SGIP1: variants seen among roughly 807,000 people sequenced by gnomAD.
SGIP1 encodes SH3-containing GRB2-like protein 3-interacting protein 1.
Under a neutral mutation model 107.5 loss-of-function variants are expected in SGIP1, and 38 were observed. The observed-to-expected ratio is 0.35, with a 90% CI of 0.27 to 0.46. The LOEUF is 0.46. Among genes scored for constraint, SGIP1 ranks in the 20% least tolerant of loss-of-function variants. SGIP1 has a pLI of 1.00. For missense variants in SGIP1, 929 were observed against 1,019.5 expected, an observed-to-expected ratio of 0.91 and a Z score of 1.21; for synonymous variants, 365 against 366.1, an observed-to-expected ratio of 1.00 and a Z score of 0.03.
chr1:66,634,192 G>C, intron 3 of SGIP1: 1 of 1,586,544 alleles, frequency 6.3e-7, no homozygotes, highest in Non-Finnish European at 8.6e-7. Flanking sequence ...TCTCTTCTTT[G>C]CTTCCGGCTT....
chr1:66,723,791 A>G (rs1445533769), intron 19 of SGIP1, among the ~76,000 whole-genome samples: 1 of 152,184 alleles, frequency 6.6e-6, no homozygotes, highest in East Asian at 1.9e-4. Flanking sequence ...TACATTATGC[A>G]CCGTTGCCTT....
chr1:66,649,059 G>T (rs1190969041), intron 7 of SGIP1, among the ~76,000 whole-genome samples: 2 of 151,860 alleles, frequency 1.3e-5, no homozygotes, highest in Non-Finnish European at 2.9e-5. Context: ...CTTTTTTGAG[G>T]GTCATGCTCT....
At chr1:66,637,463 G>A (rs1210095735) in intron 4 of SGIP1, among the ~76,000 whole-genome samples, 6 of 115,976 alleles carry the variant, frequency 5.2e-5, no homozygotes, top group Non-Finnish European at 9.7e-5. Context: ...GTTTGTGTGT[G>A]TGTGTGTGTG....
Position 66,749,540 on chromosome 1 carries a change from T to A in SGIP1, c.*6445T>A, listed in dbSNP as rs189200005. Among the ~76,000 whole-genome samples the A allele has an allele frequency of 6.6e-6, 1 of 152,112 alleles. No individual in the cohort carries two copies. Among genetic ancestry groups the A allele is most frequent in the Admixed American group, 6.5e-5 (1 of 15,272 alleles). Reference sequence around the variant, plus strand: ...TAACGAAGTTTCTTTAAAAACTTCCTGGTTAAATTGTCTGTTATCATATAG... The same window carrying A: ...TAACGAAGTTTCTTTAAAAACTTCCAGGTTAAATTGTCTGTTATCATATAG... On this transcript the variant is annotated 3_prime_UTR_variant, in exon 25 of 25. Coordinates refer to ENST00000371037, the MANE Select transcript of SGIP1 (RefSeq NM_032291.4).
intron 1 of SGIP1, among the ~76,000 whole-genome samples, chr1:66,604,893 C>A (rs942719877): frequency 6.6e-6 from 1 of 152,136 alleles, no homozygotes; most frequent in Non-Finnish European, 1.5e-5. Flanking sequence ...CTAAATAATT[C>A]TTTAATCCAC....
chr1:66,642,224 C>T (rs1438872657), intron 5 of SGIP1, among the ~76,000 whole-genome samples: 1 of 152,130 alleles, frequency 6.6e-6, no homozygotes, highest in Non-Finnish European at 1.5e-5. Context: ...CCATGTCATC[C>T]TTGCTGTTGC....
chr1:66,727,975 A>G (rs2093834690), intron 19 of SGIP1, among the ~76,000 whole-genome samples: 2 of 152,160 alleles, frequency 1.3e-5, no homozygotes, highest in African/African-American at 4.8e-5. Flanking sequence ...ACATCATATA[A>G]TCTCATGGAG....
chr1:66,744,494 C>T lies in SGIP1; in HGVS notation c.*1399C>T, dbSNP rs1041142633. On this transcript the variant is annotated 3_prime_UTR_variant, in exon 25 of 25. Coordinates refer to ENST00000371037, the MANE Select transcript of SGIP1 (RefSeq NM_032291.4). The stretch of plus-strand genomic sequence containing the variant: ...CTTTAAGTCATAGAACTTATTTAAA[C>T]ATAAACCAATTTCTATTACAGGTTA... 6.6e-6 allele frequency: 1 copy of T among 152,026 alleles called. No individual in the cohort carries two copies. The highest frequency in any genetic ancestry group is 2.4e-5 in the African/African-American group (1 of 41,422). The allele number at this position is 152,026 out of a possible 1,614,324, so 9.4% of individuals were successfully genotyped here. A position where few individuals can be genotyped will look rare whatever the true frequency, so the allele number is the denominator to read the frequency against.
intron 8 of SGIP1, among the ~76,000 whole-genome samples, chr1:66,665,157 G>A (rs1201641391): frequency 3.3e-5 from 5 of 152,112 alleles, no homozygotes; most frequent in African/African-American, 7.2e-5. Context: ...GATGTGTGAT[G>A]TTCCCCACCC....
intron 1 of SGIP1, among the ~76,000 whole-genome samples, chr1:66,595,582 T>A (rs1352901016): frequency 6.6e-6 from 1 of 152,240 alleles, no homozygotes; most frequent in Non-Finnish European, 1.5e-5. Flanking sequence ...ATTGGTGAAC[T>A]CCTGAGTTCC....
At chr1:66,601,428 C>T (rs1380813254) in intron 1 of SGIP1, among the ~76,000 whole-genome samples, 1 of 151,898 alleles carries the variant, frequency 6.6e-6, no homozygotes, top group Non-Finnish European at 1.5e-5. Flanking sequence ...CTAAAAGCAA[C>T]CTTTATAGTG....
intron 1 of SGIP1, among the ~76,000 whole-genome samples, chr1:66,591,486 A>G (rs11208915): frequency 0.13 from 20,035 of 152,208 alleles, 1,992 homozygotes; most frequent in East Asian, 0.46. Flanking sequence ...AAAATTGAGC[A>G]TAAAGTACAA....
chr1:66,687,754 TA>T (rs1307762642), intron 15 of SGIP1, among the ~76,000 whole-genome samples: 15 of 152,184 alleles, frequency 9.9e-5, no homozygotes, highest in Non-Finnish European at 1.5e-4. Flanking sequence ...GTAAAGTGCT[TA>T]GCGTAGACCT....
At chr1:66,610,996 G>A (rs1364032473) in intron 1 of SGIP1, among the ~76,000 whole-genome samples, 1 of 151,938 alleles carries the variant, frequency 6.6e-6, no homozygotes, top group Non-Finnish European at 1.5e-5. Flanking sequence ...AAGGGTGGGA[G>A]GGGGGTGAGG....
At position 66,675,541 on chromosome 1, in the gene SGIP1, C is replaced by CTTTTTTTTTTT. The variant is rs71242802; in HGVS notation, c.647-1455_647-1445dup. Among the ~76,000 whole-genome samples, 48 of 112,386 alleles carry CTTTTTTTTTTT rather than the reference C, an allele frequency of 4.3e-4. 2 individuals are homozygous for CTTTTTTTTTTT. The highest frequency in any genetic ancestry group is 8.2e-4 in the African/African-American group (21 of 25,662). The allele number at this position is 112,386 out of a possible 152,430, so 73.7% of individuals were successfully genotyped here. The stretch of plus-strand genomic sequence containing the variant: ...GTTGTTTTTCTTTTTCTTTTTCTTT[C>CTTTTTTTTTTT]TTTTTTTTTTTTTTTTTTGACAGAA... On this transcript the variant is annotated intron_variant, in intron 12 of 24. Transcript: ENST00000371037.
chr1:66,551,621 A>G (rs1027178445), intron 1 of SGIP1, among the ~76,000 whole-genome samples: 1 of 152,196 alleles, frequency 6.6e-6, no homozygotes, highest in Non-Finnish European at 1.5e-5. Flanking sequence ...GAAATATGTA[A>G]AAACATGCCA....
intron 1 of SGIP1, among the ~76,000 whole-genome samples, chr1:66,542,151 T>C (rs1054599882): frequency 2.2e-4 from 34 of 151,972 alleles, no homozygotes; most frequent in Non-Finnish European, 1.5e-5. Context: ...TATAATTATA[T>C]ATATACCTTC....
chr1:66,599,826 G>A (rs979398682), intron 1 of SGIP1, among the ~76,000 whole-genome samples: 1 of 152,192 alleles, frequency 6.6e-6, no homozygotes, highest in African/African-American at 2.4e-5. Flanking sequence ...GGTTTCCTGT[G>A]GCTAGATGGC....
intron 19 of SGIP1, among the ~76,000 whole-genome samples, chr1:66,722,441 C>CA (rs1194481824): frequency 5.3e-5 from 8 of 152,204 alleles, no homozygotes; most frequent in Admixed American, 5.2e-4. Context: ...ATGTAAATAC[C>CA]ATGAGAGCTG....
Sources: gnomAD v4.1 joint callset for allele counts (sites outside exome capture counted in the v4.1 genomes callset) on GRCh38, gnomAD v4.1.1 for gene constraint, MANE v1.5 for transcripts, NCBI Gene and HGNC (gene_info 2026-07-23, HGNC 2026-07-21) for gene names.